RASSF2: variants seen among roughly 807,000 people sequenced by gnomAD.
RASSF2 encodes the protein Ras association domain family member 2, also known as ras association domain-containing protein 2.
In RASSF2, 34 loss-of-function variants were observed where a neutral mutation model predicts 46.3. The observed-to-expected ratio is 0.73, with a 90% CI of 0.56 to 0.98. The LOEUF is 0.98. Ranked by LOEUF, RASSF2 falls within the 50% of genes least tolerant of loss-of-function variation. The pLI is 0.00. For missense variants in RASSF2, 364 were observed against 431.2 expected, an observed-to-expected ratio of 0.84 and a Z score of 1.38; for synonymous variants, 158 against 162.5, an observed-to-expected ratio of 0.97 and a Z score of 0.21.
intron 2 of RASSF2, among the ~76,000 whole-genome samples, chr20:4,818,043 G>T (rs754229452): frequency 7.2e-5 from 11 of 152,126 alleles, no homozygotes; most frequent in Non-Finnish European, 1.3e-4. Context: ...GAGACAGGTG[G>T]ATCACTTGAG....
At chr20:4,811,336 G>A (rs1426187203) in intron 2 of RASSF2, among the ~76,000 whole-genome samples, 1 of 107,566 alleles carries the variant, frequency 9.3e-6, no homozygotes, top group Non-Finnish European at 2.1e-5. Context: ...GGGAGATGGA[G>A]TGAATCCCCT....
chr20:4,814,198 G>A (rs3787448), intron 2 of RASSF2, among the ~76,000 whole-genome samples: 1,722 of 152,284 alleles, frequency 0.011, 91 homozygotes, highest in East Asian at 0.11. Flanking sequence ...GAGGGCCTGA[G>A]GCCTGTGTCC....
chr20:4,783,105 C>T lies in RASSF2; in HGVS notation c.*1168G>A, dbSNP rs1924984066. The stretch of plus-strand genomic sequence containing the variant: ...GTGGCCTAAAGAGCTTCCCTGAACC[C>T]CACACTCAGTAGCAAGATGAGGCTT... On this transcript the variant is annotated 3_prime_UTR_variant, in exon 12 of 12. Coordinates refer to ENST00000379400, the MANE Select transcript of RASSF2 (RefSeq NM_014737.3). The T allele has an allele frequency of 2.0e-5, 3 of 152,394 alleles. No homozygotes were observed. The highest frequency in any genetic ancestry group is 2.1e-4 in the South Asian group (1 of 4,834). 9.4% of individuals were successfully genotyped at this position (152,394 alleles called of 1,614,324 possible).
At chr20:4,811,542 G>A (rs2423031) in intron 2 of RASSF2, among the ~76,000 whole-genome samples, 56,443 of 145,356 alleles carry the variant, frequency 0.39, 10,403 homozygotes, top group Admixed American at 0.5. Flanking sequence ...CACCACCATA[G>A]GTATTTCAAA....
In RASSF2 at chr20:4,812,027, TG is replaced by T. The variant is rs1272613643; in HGVS notation, c.-33+10301del. Among the ~76,000 whole-genome samples the T allele has an allele frequency of 1.3e-5, 2 of 152,044 alleles. No homozygotes were observed. The highest frequency in any genetic ancestry group is 2.9e-5 in the Non-Finnish European group (2 of 67,990). On this transcript the variant is annotated intron_variant, in intron 2 of 11. Transcript: ENST00000379400. This position sits in a 1 kb window ranked among gnomAD's most constrained non-coding sequence, Gnocchi z 4.0. ...CCTCTGCGCTTCGGACCCCTTGTAG[TG>T]GGGCAGGAAGCGGTGTGGATGGCAA...
intron 2 of RASSF2, among the ~76,000 whole-genome samples, chr20:4,816,525 G>T (rs1348900349): frequency 1.3e-5 from 2 of 152,162 alleles, no homozygotes; most frequent in Admixed American, 1.3e-4. Flanking sequence ...AAAAGTTCTG[G>T]ACATGGATAA....
At chr20:4,797,925 T>C in intron 4 of RASSF2, 85 bp downstream of exon 4, 1 of 1,571,150 alleles carries the variant, frequency 6.4e-7, no homozygotes, top group South Asian at 1.2e-5. Context: ...AGGGTTCTCT[T>C]GGGACCTCAG....
At chr20:4,794,591 C>T (rs893069806) in intron 5 of RASSF2, among the ~76,000 whole-genome samples, 26 of 151,538 alleles carry the variant, frequency 1.7e-4, no homozygotes, top group African/African-American at 6.3e-4. Flanking sequence ...CACCTATAGT[C>T]CCAGCTGCTG....
At chr20:4,809,274 T>G (rs117342276) in intron 2 of RASSF2, among the ~76,000 whole-genome samples, 6,855 of 152,118 alleles carry the variant, frequency 0.045, 210 homozygotes, top group Non-Finnish European at 0.069. Context: ...AAAGGGAAGG[T>G]CCTCTGGCCA....
chr20:4,791,909 A>G (rs117638971), intron 6 of RASSF2, among the ~76,000 whole-genome samples: 7,268 of 152,252 alleles, frequency 0.048, 228 homozygotes, highest in African/African-American at 0.051. Flanking sequence ...GATAAATAAA[A>G]ACTGGGATCT....
intron 2 of RASSF2, among the ~76,000 whole-genome samples, chr20:4,803,490 A>G (rs1466687838): frequency 6.6e-6 from 1 of 152,194 alleles, no homozygotes; most frequent in Non-Finnish European, 1.5e-5. Context: ...ATGGTGGTTC[A>G]TGCCCGTGAC....
chr20:4,797,083 C>G, intron 4 of RASSF2, among the ~76,000 whole-genome samples: 1 of 152,108 alleles, frequency 6.6e-6, no homozygotes, highest in East Asian at 1.9e-4. Context: ...AACAATTTTA[C>G]GGTGCTTAGG....
At chr20:4,821,625 C>T (rs922291890) in intron 2 of RASSF2, among the ~76,000 whole-genome samples, 14 of 152,220 alleles carry the variant, frequency 9.2e-5, no homozygotes, top group African/African-American at 3.1e-4. Context: ...CCTCCATCTG[C>T]TGAAGGAGGA....
intron 2 of RASSF2, among the ~76,000 whole-genome samples, chr20:4,819,856 C>G (rs1419014743): frequency 6.6e-6 from 1 of 152,194 alleles, no homozygotes; most frequent in Non-Finnish European, 1.5e-5. Flanking sequence ...CAGGAAAGGG[C>G]CTTGGAAGTC....
Position 4,787,623 on chromosome 20 carries a change from G to A in RASSF2, c.813+10C>T. 6.2e-7 allele frequency: 1 copy of A among 1,614,108 alleles called. No individual in the cohort carries two copies. The highest frequency in any genetic ancestry group is 8.5e-7 in the Non-Finnish European group (1 of 1,180,010). ...CTGAGGACAGATCGCCTGACCCAAA[G>A]GGAACTCACGTCGTAGGTGACTTCC... is the stretch of plus-strand genomic sequence containing the variant. On this transcript the variant is annotated intron_variant, in intron 10 of 11. Coordinates refer to ENST00000379400, the MANE Select transcript of RASSF2 (RefSeq NM_014737.3).
At chr20:4,798,562 T>C (rs1408414444) in intron 3 of RASSF2, among the ~76,000 whole-genome samples, 3 of 152,128 alleles carry the variant, frequency 2.0e-5, no homozygotes, top group African/African-American at 7.2e-5. Context: ...CAGTGGCTCA[T>C]GCCTGTAATC....
chr20:4,814,236 G>C (rs1928091369), intron 2 of RASSF2, among the ~76,000 whole-genome samples: 1 of 151,742 alleles, frequency 6.6e-6, no homozygotes, highest in African/African-American at 2.4e-5. Context: ...CCCATCTGAG[G>C]GTTCGTCTCC....
At chr20:4,819,502 C>T (rs946167384) in intron 2 of RASSF2, among the ~76,000 whole-genome samples, 1 of 152,116 alleles carries the variant, frequency 6.6e-6, no homozygotes, top group Non-Finnish European at 1.5e-5. Context: ...ACAGAACATG[C>T]CCCAAACTTA....
At chr20:4,785,350 AAACAAC>A (rs368893486) in intron 11 of RASSF2, among the ~76,000 whole-genome samples, 2 of 152,124 alleles carry the variant, frequency 1.3e-5, no homozygotes, top group African/African-American at 4.8e-5. Flanking sequence ...AAACAAAACA[AAACAAC>A]AACAACAACA....
Sources: allele counts gnomAD v4.1 joint callset (sites outside exome capture counted in the v4.1 genomes callset), GRCh38; gene constraint gnomAD v4.1.1; non-coding constraint Gnocchi (gnomAD v3.1); transcripts MANE v1.5; gene names NCBI Gene and HGNC (gene_info 2026-07-23, HGNC 2026-07-21).